DYNLRB1: variants seen among roughly 807,000 people sequenced by gnomAD.
DYNLRB1 encodes the protein dynein light chain roadblock-type 1, also known as ROBL/LC7-like 1.
Under a neutral mutation model 13.5 loss-of-function variants are expected in DYNLRB1, and 6 were observed. The ratio of observed to expected loss-of-function variants is 0.44; its 90% CI spans 0.24 to 0.88. DYNLRB1 has a LOEUF of 0.88. Among genes scored for constraint, DYNLRB1 ranks in the 40% least tolerant of loss-of-function variants. DYNLRB1 has a pLI of 0.21. For missense variants in DYNLRB1, 93 were observed against 127.2 expected, an observed-to-expected ratio of 0.73 and a Z score of 1.29; for synonymous variants, 43 against 45.0, an observed-to-expected ratio of 0.96 and a Z score of 0.18.
chr20:34,531,955 G>A (rs898197675), intron 2 of DYNLRB1, among the ~76,000 whole-genome samples: 1 of 152,190 alleles, frequency 6.6e-6, no homozygotes, highest in Non-Finnish European at 1.5e-5. Flanking sequence ...GAAGGTTAGG[G>A]GTTCTGATCA....
upstream of DYNLRB1, among the ~76,000 whole-genome samples, chr20:34,515,656 C>G (rs1253656794): frequency 2.6e-5 from 4 of 152,188 alleles, no homozygotes; most frequent in African/African-American, 7.2e-5. Flanking sequence ...GTACCTGACT[C>G]CAGCCCCACC....
chr20:34,516,845 G>C, intron 1 of DYNLRB1: 1 of 1,544,534 alleles, frequency 6.5e-7, no homozygotes. Flanking sequence ...TATGTATCTT[G>C]TATTTCCTCC....
At position 34,534,679 on chromosome 20, in the gene DYNLRB1, G is replaced by A. The variant is rs1568603518; in HGVS notation, c.131G>A (p.Ser44Asn). 5.0e-6 allele frequency: 8 copies of A among 1,600,022 alleles called. No individual in the cohort carries two copies. Among genetic ancestry groups the A allele is most frequent in the Non-Finnish European group, 5.1e-6 (6 of 1,172,334 alleles). ...AACCCCACCACCACCCAGTATGCCA[G>A]CCTCATGCACAGCTTCATCCTGAAG... Reference protein sequence around the residue: ...MDNPTTTQYASLMHSFILKAR... With the variant: ...MDNPTTTQYANLMHSFILKAR... Residue 44 changes from serine (S) to asparagine (N), a missense_variant, in exon 3 of 4, where the codon AGC (serine) becomes AAC (asparagine). Physicochemically the swap from Ser to Asn is conservative, Grantham distance 46. Coordinates refer to ENST00000357156, the MANE Select transcript of DYNLRB1 (RefSeq NM_014183.4).
chr20:34,537,652 C>T (rs567522690), intron 3 of DYNLRB1, among the ~76,000 whole-genome samples: 15 of 152,286 alleles, frequency 9.8e-5, no homozygotes, highest in Admixed American at 5.2e-4. Flanking sequence ...GGTCAGGAGC[C>T]ACCACGCAGA....
At chr20:34,540,486 T>G in intron 3 of DYNLRB1, 95 bp from the exon 4 acceptor site, 1 of 1,193,520 alleles carries the variant, frequency 8.4e-7, no homozygotes, top group Non-Finnish European at 1.2e-6. Flanking sequence ...CCCTTCCTCA[T>G]TTTATGGTTA....
At chr20:34,528,936 C>G (rs962077758) in intron 2 of DYNLRB1, among the ~76,000 whole-genome samples, 1 of 151,998 alleles carries the variant, frequency 6.6e-6, no homozygotes, top group African/African-American at 2.4e-5. Context: ...AGGCTTCTTG[C>G]TCAAAGCTTT....
At chr20:34,532,439 C>T (rs1250085768) in intron 2 of DYNLRB1, among the ~76,000 whole-genome samples, 1 of 152,096 alleles carries the variant, frequency 6.6e-6, no homozygotes, top group Non-Finnish European at 1.5e-5. Flanking sequence ...GCCTAGGACA[C>T]GACTAAAGGC....
chr20:34,524,080 A>G (rs1213343203), intron 1 of DYNLRB1, among the ~76,000 whole-genome samples: 1 of 152,162 alleles, frequency 6.6e-6, no homozygotes, highest in African/African-American at 2.4e-5. Context: ...CCCCTGTATC[A>G]TAGACTTCTT....
At chr20:34,536,482 C>T (rs897885100) in intron 3 of DYNLRB1, 1 of 985,408 alleles carries the variant, frequency 1.0e-6, no homozygotes, top group African/African-American at 1.7e-5. Flanking sequence ...CGCAGTGGCT[C>T]ACGCCTGTAA....
At chr20:34,516,217 G>A (rs1171415173), upstream of DYNLRB1, among the ~76,000 whole-genome samples, 3 of 152,242 alleles carry the variant, frequency 2.0e-5, no homozygotes, top group Non-Finnish European at 2.9e-5. Flanking sequence ...TTTTCTGCAC[G>A]GCTGGAGTTG....
chr20:34,526,996 A>G (rs1044176894), intron 2 of DYNLRB1, among the ~76,000 whole-genome samples: 2 of 152,196 alleles, frequency 1.3e-5, no homozygotes, highest in Non-Finnish European at 2.9e-5. Flanking sequence ...AGAAGTGTAC[A>G]GATACTAACT....
intron 1 of DYNLRB1, among the ~76,000 whole-genome samples, chr20:34,523,223 C>T (rs546386669): frequency 2.6e-5 from 4 of 152,118 alleles, no homozygotes; most frequent in African/African-American, 7.2e-5. Flanking sequence ...TCCTTCAGAC[C>T]GAGAGCAGCA....
chr20:34,523,313 G>A (rs113779729), intron 1 of DYNLRB1, among the ~76,000 whole-genome samples: 13 of 152,284 alleles, frequency 8.5e-5, no homozygotes, highest in South Asian at 2.1e-4. Context: ...AGCCAGAGCC[G>A]TCCTTTGGAA....
rs1180326831 is a variant in DYNLRB1 at position 34,540,736 on chromosome 20, C to G, written c.*112C>G. 9.0e-7 allele frequency: 1 copy of G among 1,109,960 alleles called. No homozygotes were observed. The highest frequency in any genetic ancestry group is 1.3e-6 in the Non-Finnish European group (1 of 752,110). 68.8% of individuals were successfully genotyped at this position (1,109,960 alleles called of 1,614,324 possible). On this transcript the variant is annotated 3_prime_UTR_variant, in exon 4 of 4. Coordinates refer to ENST00000357156, the MANE Select transcript of DYNLRB1 (RefSeq NM_014183.4). ...GCAGTCGCTTGGAACCCACTCACAC[C>G]AATCCAGTGACCGTGTGTGGGCTGG...
intron 3 of DYNLRB1, chr20:34,535,345 T>G (rs957453073): frequency 1.2e-4 from 123 of 985,322 alleles, no homozygotes; most frequent in Non-Finnish European, 1.4e-4. Flanking sequence ...ACAGCCAGCT[T>G]TTCCTGCCGC....
chr20:34,529,597 C>T (rs1248494778), intron 2 of DYNLRB1, among the ~76,000 whole-genome samples: 2 of 151,874 alleles, frequency 1.3e-5, no homozygotes, highest in African/African-American at 2.4e-5. Context: ...GGTGTGGTGG[C>T]GGGCACCTGT....
intron 3 of DYNLRB1, chr20:34,536,610 T>A (rs1052269536): frequency 1.1e-5 from 4 of 358,536 alleles, no homozygotes; most frequent in Non-Finnish European, 1.6e-5. Context: ...CTGGGCATGG[T>A]GGCGCACACC....
At chr20:34,530,888 C>T (rs1980665245) in intron 2 of DYNLRB1, 1 of 152,270 alleles carries the variant, frequency 6.6e-6, no homozygotes, top group South Asian at 2.1e-4. Flanking sequence ...TGCTCCTGCC[C>T]CTGAACCTAT....
chr20:34,525,350 G>A (rs770678798), intron 1 of DYNLRB1, among the ~76,000 whole-genome samples: 4 of 152,078 alleles, frequency 2.6e-5, no homozygotes, highest in East Asian at 3.8e-4. Context: ...TCAGTTAAGC[G>A]GTGTTTATCA....
Sources: allele counts gnomAD v4.1 joint callset (sites outside exome capture counted in the v4.1 genomes callset), GRCh38; gene constraint gnomAD v4.1.1; transcripts MANE v1.5; gene names NCBI Gene and HGNC (gene_info 2026-07-23, HGNC 2026-07-21).